B3GAT2: variants seen among roughly 807,000 people sequenced by gnomAD.
The protein encoded by B3GAT2 is beta-1,3-glucuronyltransferase 2.
Under a neutral mutation model 27.8 loss-of-function variants are expected in B3GAT2, and 26 were observed. That is an observed-to-expected ratio of 0.93 (90% CI 0.68 to 1.30). The LOEUF (loss-of-function observed/expected upper bound fraction) is 1.30, where lower values mean the gene tolerates loss of function less well. Among genes scored for constraint, B3GAT2 ranks in the 50% most tolerant of loss-of-function variants. The probability of loss-of-function intolerance (pLI) is 0.00; values close to 1 mark genes in which losing one functional copy is unlikely to be tolerated. For missense variants in B3GAT2, 458 were observed against 459.0 expected (o/e 1.00, Z 0.02); for synonymous variants, 218 against 195.1 (o/e 1.12, Z -0.98).
chr6:70,928,642 G>C (rs536300573), intron 1 of B3GAT2, among the ~76,000 whole-genome samples: 3 of 152,300 alleles, frequency 2.0e-5, no homozygotes, highest in Admixed American at 1.3e-4. Flanking sequence ...CCAGGAAGAA[G>C]TTGAATCCCT....
chr6:70,886,803 C>A (rs1772194895), intron 2 of B3GAT2, among the ~76,000 whole-genome samples: 2 of 152,202 alleles, frequency 1.3e-5, no homozygotes, highest in African/African-American at 4.8e-5. Context: ...CTAGACTGCA[C>A]CATGTTCTAG....
At chr6:70,871,219 TTTG>T (rs1248553435) in intron 2 of B3GAT2, among the ~76,000 whole-genome samples, 1,963 of 60,868 alleles carry the variant, frequency 0.032, 52 homozygotes, top group Non-Finnish European at 0.059. Context: ...TTTTTTTTTT[TTTG>T]TTTTTTTTTT....
Position 70,878,660 on chromosome 6 carries a change from CT to C in B3GAT2, c.736+15467del, listed in dbSNP as rs903727708. 2.3e-3 allele frequency among the ~76,000 whole-genome samples: 323 copies of C among 142,424 alleles called. 1 individual carries two copies. The highest frequency in any genetic ancestry group is 2.4e-3 in the Admixed American group (34 of 14,304). 93.4% of individuals were successfully genotyped at this position (142,424 alleles called of 152,430 possible). A position where few individuals can be genotyped will look rare whatever the true frequency, so the allele number is the denominator to read the frequency against. On this transcript the variant is annotated intron_variant, in intron 2 of 3. Transcript: ENST00000230053. ...GGTTTTATCTTAGGTGCATTACATA[CT>C]TTTTTTTTTTTGCTTTTTTCCCTTC...
chr6:70,928,552 A>G (rs1183072905), intron 1 of B3GAT2, among the ~76,000 whole-genome samples: 1 of 152,226 alleles, frequency 6.6e-6, no homozygotes, highest in East Asian at 1.9e-4. Flanking sequence ...AGAATACTAT[A>G]AACACTTCTA....
chr6:70,937,650 A>C (rs1395179521), intron 1 of B3GAT2, among the ~76,000 whole-genome samples: 1 of 151,794 alleles, frequency 6.6e-6, no homozygotes, highest in African/African-American at 2.4e-5. Context: ...AAAGACAAAA[A>C]CCACATGATT....
intron 1 of B3GAT2, among the ~76,000 whole-genome samples, chr6:70,930,517 CA>C (rs1274071818): frequency 6.6e-6 from 1 of 152,158 alleles, no homozygotes; most frequent in African/African-American, 2.4e-5. Context: ...ACAACCCCAT[CA>C]AAAAGTGGGC....
intron 2 of B3GAT2, 110 bp downstream of exon 2, chr6:70,894,018 G>A: frequency 8.3e-7 from 1 of 1,209,250 alleles, no homozygotes; most frequent in Non-Finnish European, 1.1e-6. Flanking sequence ...ATATGATGTA[G>A]GGTTTTATCC....
At chr6:70,884,103 A>C (rs1312111253) in intron 2 of B3GAT2, among the ~76,000 whole-genome samples, 1 of 150,098 alleles carries the variant, frequency 6.7e-6, no homozygotes. Context: ...CTCAAAAAAA[A>C]AAAAAAAAAA....
intron 2 of B3GAT2, among the ~76,000 whole-genome samples, chr6:70,893,323 G>T (rs1179056281): frequency 6.6e-6 from 1 of 152,152 alleles, no homozygotes; most frequent in African/African-American, 2.4e-5. Context: ...GCCCGACAGA[G>T]CTGTGCTTCA....
rs921803261 is a variant in B3GAT2, at chr6:70,857,342, C to G, written c.*4321G>C. ...ACGATTTGCATGAAGTTTATGACTG[C>G]GTACAGTGTATTTTCTCTGCAGGTA... On this transcript the variant is annotated 3_prime_UTR_variant, in exon 4 of 4. Transcript: ENST00000230053. The G allele has an allele frequency of 4.9e-6, 1 of 203,732 alleles. No homozygotes were observed. The highest frequency in any genetic ancestry group is 9.9e-6 in the Non-Finnish European group (1 of 101,430). The allele number at this position is 203,732 out of a possible 1,614,324, so 12.6% of individuals were successfully genotyped here. A position where few individuals can be genotyped will look rare whatever the true frequency, so the allele number is the denominator to read the frequency against.
At chr6:70,900,848 T>A (rs903923732) in intron 1 of B3GAT2, among the ~76,000 whole-genome samples, 4 of 152,228 alleles carry the variant, frequency 2.6e-5, no homozygotes, top group African/African-American at 9.6e-5. Context: ...AAGTTATCGA[T>A]CTTCTGAAAT....
At chr6:70,887,524 G>T (rs542079021) in intron 2 of B3GAT2, among the ~76,000 whole-genome samples, 65 of 152,264 alleles carry the variant, frequency 4.3e-4, no homozygotes, top group African/African-American at 1.5e-3. Flanking sequence ...CCACTCACAG[G>T]CTGGGGCTAG....
At position 70,858,059 on chromosome 6, in the gene B3GAT2, A is replaced by ATGG; in HGVS notation, c.*3601_*3603dup. The ATGG allele has an allele frequency of 6.2e-7, 1 of 1,614,096 alleles. No homozygotes were observed. ...TGTGATGGGACAGAGTCCAAGCATG[A>ATGG]TGGTGGGCATGCCCATGCCCAATGG... On this transcript the variant is annotated 3_prime_UTR_variant, in exon 4 of 4. Coordinates refer to ENST00000230053, the MANE Select transcript of B3GAT2 (RefSeq NM_080742.3).
chr6:70,953,338 C>T (rs1285431387), intron 1 of B3GAT2, among the ~76,000 whole-genome samples: 1 of 152,198 alleles, frequency 6.6e-6, no homozygotes, highest in Admixed American at 6.5e-5. Flanking sequence ...GGCTGTCTCA[C>T]AAATAAACCT....
At position 70,860,430 on chromosome 6, in the gene B3GAT2, T is replaced by A. The variant is rs568284267; in HGVS notation, c.*1233A>T. The A allele has an allele frequency of 7.1e-7, 1 of 1,407,822 alleles. No individual in the cohort carries two copies. The allele number at this position is 1,407,822 out of a possible 1,614,324, so 87.2% of individuals were successfully genotyped here. On this transcript the variant is annotated 3_prime_UTR_variant, in exon 4 of 4. Coordinates refer to ENST00000230053, the MANE Select transcript of B3GAT2 (RefSeq NM_080742.3). ...TTTATTCATATGCATATTTTTTTTC[T>A]TTTTACCCATTTGTTCATATTAAGA...
At position 70,956,162 on chromosome 6, in the gene B3GAT2, T is replaced by A. The variant is rs201430647; in HGVS notation, c.268A>T (p.Ser90Cys). The change falls in exon 1 of 4, where the codon AGC (serine) becomes TGC (cysteine). Residue 90 changes from serine (S) to cysteine (C), a missense_variant. Coordinates refer to ENST00000230053, the MANE Select transcript of B3GAT2 (RefSeq NM_080742.3). ...PTIYAITPTY[S>C]RPVQKAELTR... ...AGCTCCGCTTTCTGCACCGGGCGGC[T>A]GTAGGTGGGCGTGATGGCATAGATG... 3 of 1,608,724 alleles carry A rather than the reference T, an allele frequency of 1.9e-6. No individual in the cohort carries two copies. Among genetic ancestry groups the A allele is most frequent in the Non-Finnish European group, 1.7e-6 (2 of 1,177,280 alleles).
intron 1 of B3GAT2, among the ~76,000 whole-genome samples, chr6:70,935,802 C>G: frequency 6.6e-6 from 1 of 152,114 alleles, no homozygotes; most frequent in East Asian, 1.9e-4. Flanking sequence ...AAAATCATGC[C>G]AAAACGTAAA....
intron 1 of B3GAT2, among the ~76,000 whole-genome samples, chr6:70,914,097 C>A (rs1416290029): frequency 2.0e-5 from 3 of 152,018 alleles, no homozygotes; most frequent in Non-Finnish European, 4.4e-5. Flanking sequence ...TGAGATGGGT[C>A]TCTTGAAGAC....
At chr6:70,892,818 C>G (rs749041873) in intron 2 of B3GAT2, among the ~76,000 whole-genome samples, 10 of 152,216 alleles carry the variant, frequency 6.6e-5, no homozygotes, top group Admixed American at 1.3e-4. Context: ...GGGCCATGCA[C>G]TCTGAGCGGG....
Sources: allele counts gnomAD v4.1 joint callset (sites outside exome capture counted in the v4.1 genomes callset), GRCh38; gene constraint gnomAD v4.1.1; transcripts MANE v1.5; gene names NCBI Gene and HGNC (gene_info 2026-07-23, HGNC 2026-07-21).